The following TAFA5 variants were observed in gnomAD, a reference collection of about 807,000 sequenced individuals.
The protein encoded by TAFA5 is TAFA chemokine like family member 5, also known as chemokine-like protein TAFA-5.
In TAFA5, 6 loss-of-function variants were observed where a neutral mutation model predicts 15.3. That is an observed-to-expected ratio of 0.39 (90% CI 0.21 to 0.77). The LOEUF (loss-of-function observed/expected upper bound fraction) is 0.77, where lower values mean the gene tolerates loss of function less well. Among genes scored for constraint, TAFA5 ranks in the 30% least tolerant of loss-of-function variants. The probability of loss-of-function intolerance (pLI) is 0.41; values close to 1 mark genes in which losing one functional copy is unlikely to be tolerated. For missense variants in TAFA5, 161 were observed against 193.1 expected, an observed-to-expected ratio of 0.83 and a Z score of 0.98; for synonymous variants, 103 against 80.7, an observed-to-expected ratio of 1.28 and a Z score of -1.48.
At chr22:48,665,302 G>A (rs1927573306) in intron 2 of TAFA5, among the ~76,000 whole-genome samples, 1 of 152,108 alleles carries the variant, frequency 6.6e-6, no homozygotes, top group Non-Finnish European at 1.5e-5. Flanking sequence ...CTTCCTATAT[G>A]CTCCATTCAA....
At chr22:48,523,857 C>T (rs936586941) in intron 1 of TAFA5, among the ~76,000 whole-genome samples, 2 of 152,180 alleles carry the variant, frequency 1.3e-5, no homozygotes, top group African/African-American at 2.4e-5. Context: ...AGGAGGCTGG[C>T]GAGAAGTGTG....
intron 1 of TAFA5, among the ~76,000 whole-genome samples, chr22:48,619,268 T>C (rs563375820): frequency 6.6e-6 from 1 of 152,278 alleles, no homozygotes; most frequent in East Asian, 1.9e-4. Flanking sequence ...GATCTGTCCA[T>C]GCGGGAAGGA....
At chr22:48,551,320 C>T (rs1245660822) in intron 1 of TAFA5, among the ~76,000 whole-genome samples, 3 of 152,152 alleles carry the variant, frequency 2.0e-5, no homozygotes, top group Admixed American at 6.5e-5. Flanking sequence ...CTGGGCGGCT[C>T]GGCTCTGACC....
chr22:48,644,759 C>T (rs1926804622), intron 1 of TAFA5, among the ~76,000 whole-genome samples: 1 of 152,194 alleles, frequency 6.6e-6, no homozygotes, highest in African/African-American at 2.4e-5. Flanking sequence ...GGCACCCAGG[C>T]TGTAGAAACG....
intron 1 of TAFA5, among the ~76,000 whole-genome samples, chr22:48,612,298 A>G (rs1925437909): frequency 1.3e-5 from 2 of 152,200 alleles, no homozygotes; most frequent in African/African-American, 2.4e-5. Context: ...GCTCACTTGC[A>G]TGTTCAAGTG....
At chr22:48,725,738 AAAGC>A (rs1929696145) in intron 3 of TAFA5, among the ~76,000 whole-genome samples, 2 of 150,872 alleles carry the variant, frequency 1.3e-5, no homozygotes, top group Admixed American at 1.3e-4. Flanking sequence ...AAAAAAAAAA[AAAGC>A]AAGGAAATGG....
chr22:48,565,567 A>G (rs743061), intron 1 of TAFA5, among the ~76,000 whole-genome samples: 34,698 of 152,104 alleles, frequency 0.23, 3,978 homozygotes, highest in Non-Finnish European at 0.24. Context: ...TCCCCCATCC[A>G]TTGAAGGCTT....
intron 1 of TAFA5, among the ~76,000 whole-genome samples, chr22:48,570,462 A>AG (rs968734714): frequency 6.6e-6 from 1 of 152,256 alleles, no homozygotes; most frequent in Non-Finnish European, 1.5e-5. Flanking sequence ...CCTGGCATCC[A>AG]GGCCTTTCCC....
Position 48,618,659 on chromosome 22 carries a change from C to T in TAFA5, c.113-27938C>T, listed in dbSNP as rs370896201. Reference sequence around the variant, plus strand: ...GCCCGCAGCTCCGTCTGGGAGGTCCCGGAGGCAGTGTGCACAGCGGGCCCT... The same window carrying T: ...GCCCGCAGCTCCGTCTGGGAGGTCCTGGAGGCAGTGTGCACAGCGGGCCCT... On this transcript the variant is annotated intron_variant, in intron 1 of 3. Coordinates refer to ENST00000402357, the MANE Select transcript of TAFA5 (RefSeq NM_001082967.3). 2.4e-4 allele frequency among the ~76,000 whole-genome samples: 36 copies of T among 152,110 alleles called. No homozygotes were observed. In the East Asian group the frequency reaches 4.6e-3, roughly 20 times the overall value.
chr22:48,736,662 G>A (rs1930038074), intron 3 of TAFA5, among the ~76,000 whole-genome samples: 3 of 152,234 alleles, frequency 2.0e-5, no homozygotes, highest in African/African-American at 7.2e-5. Context: ...GCCTTAAAAA[G>A]GAATGGCATT....
Position 48,489,635 on chromosome 22 carries a change from G to T in TAFA5, c.43G>T (p.Ala15Ser). Residue 15 changes from alanine to serine, a missense_variant, in exon 1 of 4, where the codon GCC becomes TCC. Ala to Ser is a moderately conservative substitution (Grantham distance 99). Transcript: ENST00000402357. This position sits in a 1 kb window ranked among gnomAD's most constrained non-coding sequence, Gnocchi z 5.5. ...PRTGSRQDAT[A>S]LPSMSSTFWA... The stretch of plus-strand genomic sequence containing the variant: ...GACCGGCAGCCGGCAAGATGCGACC[G>T]CCCTGCCCAGCATGTCCTCAACTTT... 1 of 1,520,656 alleles carries T rather than the reference G, an allele frequency of 6.6e-7. No individual in the cohort carries two copies. Among genetic ancestry groups the T allele is most frequent in the Non-Finnish European group, 8.8e-7 (1 of 1,133,898 alleles). 94.2% of individuals were successfully genotyped at this position (1,520,656 alleles called of 1,614,324 possible).
At chr22:48,711,129 G>T (rs868460835) in intron 3 of TAFA5, among the ~76,000 whole-genome samples, 1 of 152,186 alleles carries the variant, frequency 6.6e-6, no homozygotes, top group Non-Finnish European at 1.5e-5. Flanking sequence ...GCAGGTGGGA[G>T]TCTGACTGTA....
intron 1 of TAFA5, among the ~76,000 whole-genome samples, chr22:48,495,206 T>G (rs1249324849): frequency 6.6e-6 from 1 of 151,668 alleles, no homozygotes; most frequent in Non-Finnish European, 1.5e-5. Context: ...GAGGCAGGAG[T>G]GGTGGAGCTG....
At chr22:48,670,670 C>A (rs754774574) in intron 2 of TAFA5, among the ~76,000 whole-genome samples, 1 of 152,210 alleles carries the variant, frequency 6.6e-6, no homozygotes, top group Non-Finnish European at 1.5e-5. Context: ...GATTTAGGAG[C>A]GGCTGGTTAA....
chr22:48,538,712 G>A lies in TAFA5; in HGVS notation c.112+49008G>A, dbSNP rs536274260. Reference sequence around the variant, plus strand: ...CGGCATGGTCTTGCCGTGGGAAATCGCAGGACACCAAACTCAACCTCCGGA... The same window carrying A: ...CGGCATGGTCTTGCCGTGGGAAATCACAGGACACCAAACTCAACCTCCGGA... On this transcript the variant is annotated intron_variant, in intron 1 of 3. Transcript: ENST00000402357. 6.6e-4 allele frequency among the ~76,000 whole-genome samples: 101 copies of A among 152,286 alleles called. 1 individual carries two copies. Among genetic ancestry groups the A allele is most frequent in the African/African-American group, 2.3e-3 (97 of 41,546 alleles).
intron 3 of TAFA5, among the ~76,000 whole-genome samples, chr22:48,730,314 A>G (rs1929833574): frequency 6.6e-6 from 1 of 151,714 alleles, no homozygotes; most frequent in South Asian, 2.1e-4. Context: ...TGAACCCGGG[A>G]GGTGGAGGTT....
intron 1 of TAFA5, among the ~76,000 whole-genome samples, chr22:48,581,493 G>A (rs1214482184): frequency 6.6e-6 from 1 of 152,232 alleles, no homozygotes; most frequent in African/African-American, 2.4e-5. Flanking sequence ...CCCACTCGGT[G>A]GTCTGGAGGT....
At chr22:48,745,964 G>A (rs935567771) in intron 3 of TAFA5, among the ~76,000 whole-genome samples, 25 of 152,304 alleles carry the variant, frequency 1.6e-4, no homozygotes, top group East Asian at 1.9e-4. Context: ...TGTGAGACCC[G>A]CAGGGGCACA....
chr22:48,684,690 C>T (rs1005835016), intron 2 of TAFA5, among the ~76,000 whole-genome samples: 2 of 152,204 alleles, frequency 1.3e-5, no homozygotes, highest in African/African-American at 4.8e-5. Flanking sequence ...AGGCAAGTGC[C>T]CAAGGCACTA....
Sources: allele counts gnomAD v4.1 joint callset (sites outside exome capture counted in the v4.1 genomes callset), GRCh38; gene constraint gnomAD v4.1.1; non-coding constraint Gnocchi (gnomAD v3.1); transcripts MANE v1.5; gene names NCBI Gene and HGNC (gene_info 2026-07-23, HGNC 2026-07-21).